Variants in RYR3 observed in about 807,000 individuals in gnomAD.
RYR3 encodes brain ryanodine receptor-calcium release channel.
RYR3 carries 207 observed loss-of-function variants against 584.3 expected under a neutral mutation model. The observed-to-expected ratio is 0.35, with a 90% confidence interval of 0.32 to 0.40. The LOEUF (loss-of-function observed/expected upper bound fraction) is 0.40. Among genes scored for constraint, RYR3 ranks in the 10% least tolerant of loss-of-function variants. RYR3 has a pLI of 1.00. For missense variants in RYR3, 5,616 were observed against 6,089.2 expected (o/e 0.92, Z 2.59); for synonymous variants, 2,416 against 2,248.5 (o/e 1.07, Z -2.11).
chr15:33,812,203 G>GGA (rs1387051686), intron 72 of RYR3, among the ~76,000 whole-genome samples: 4 of 152,044 alleles, frequency 2.6e-5, no homozygotes. Flanking sequence ...ATAACCACTT[G>GGA]GAGAGCCTCC....
At chr15:33,610,350 C>T (rs1396097623) in intron 18 of RYR3, among the ~76,000 whole-genome samples, 1 of 152,206 alleles carries the variant, frequency 6.6e-6, no homozygotes, top group Non-Finnish European at 1.5e-5. Context: ...GAAGGCAACA[C>T]ATACGTACCT....
At position 33,757,860 on chromosome 15, in the gene RYR3, C is replaced by T. The variant is rs530563878; in HGVS notation, c.8705+264C>T. 3.7e-5 allele frequency: 17 copies of T among 461,396 alleles called. 1 individual carries two copies. The highest frequency in any genetic ancestry group is 3.2e-4 in the East Asian group (8 of 24,646). The allele number at this position is 461,396 out of a possible 1,614,324, so 28.6% of individuals were successfully genotyped here. On this transcript the variant is annotated intron_variant, in intron 60 of 103. Coordinates refer to ENST00000634891, the MANE Select transcript of RYR3 (RefSeq NM_001036.6). ...ACATCGGGACAGAGATTAAGATGGC[C>T]GAATAGGAACAGCTCTGGTCTGTAG...
At chr15:33,708,593 ACT>A (rs2066881056) in intron 43 of RYR3, among the ~76,000 whole-genome samples, 1 of 152,086 alleles carries the variant, frequency 6.6e-6, no homozygotes, top group African/African-American at 2.4e-5. Flanking sequence ...AATGCAACAA[ACT>A]CTGGCAAACT....
intron 12 of RYR3, among the ~76,000 whole-genome samples, chr15:33,575,483 T>G (rs2058252140): frequency 6.6e-6 from 1 of 152,002 alleles, no homozygotes; most frequent in African/African-American, 2.4e-5. Context: ...CACAACTACA[T>G]GGGAAGTGAA....
chr15:33,835,093 C>T, intron 87 of RYR3, 21 bp downstream of exon 87: 1 of 1,549,566 alleles, frequency 6.5e-7, no homozygotes, highest in Non-Finnish European at 8.9e-7. Context: ...CCATTCCCTG[C>T]ACGTGTCATT....
intron 75 of RYR3, 85 bp downstream of exon 75, chr15:33,817,043 A>G: frequency 1.3e-6 from 1 of 797,054 alleles, no homozygotes; most frequent in Non-Finnish European, 2.1e-6. Context: ...ACAGTTAAAC[A>G]TTCACAAGGA....
chr15:33,536,790 C>T (rs1222793084), intron 5 of RYR3, among the ~76,000 whole-genome samples: 3 of 152,232 alleles, frequency 2.0e-5, no homozygotes, highest in African/African-American at 7.2e-5. Context: ...ACACCAGTCT[C>T]CTGCCCTCCC....
intron 68 of RYR3, among the ~76,000 whole-genome samples, chr15:33,801,609 C>T (rs2075922252): frequency 7.8e-6 from 1 of 127,664 alleles, no homozygotes; most frequent in African/African-American, 2.8e-5. Context: ...CTTATTACTA[C>T]CAAGAGTCTA....
intron 3 of RYR3, among the ~76,000 whole-genome samples, chr15:33,522,237 T>C (rs2054054479): frequency 6.6e-6 from 1 of 151,574 alleles, no homozygotes; most frequent in African/African-American, 2.4e-5. Context: ...CACTCCAGCC[T>C]GGGCAACAGA....
chr15:33,505,190 C>T (rs1019357658), intron 3 of RYR3, among the ~76,000 whole-genome samples: 11 of 152,296 alleles, frequency 7.2e-5, no homozygotes, highest in Middle Eastern at 6.8e-3. Context: ...GTTTACATTT[C>T]GGCCATCCTC....
chr15:33,485,455 G>T (rs2572177), intron 2 of RYR3, among the ~76,000 whole-genome samples: 67,525 of 151,904 alleles, frequency 0.44, 15,821 homozygotes, highest in Non-Finnish European at 0.52. Context: ...TACAGGAGAG[G>T]GAAGAGGTGG....
intron 1 of RYR3, among the ~76,000 whole-genome samples, chr15:33,361,556 G>A (rs1974770212): frequency 6.6e-6 from 1 of 152,186 alleles, no homozygotes; most frequent in African/African-American, 2.4e-5. Context: ...TAAGGTAAAA[G>A]AGACTGCAAG....
intron 18 of RYR3, among the ~76,000 whole-genome samples, chr15:33,606,570 T>C (rs941239982): frequency 1.5e-4 from 23 of 152,212 alleles, no homozygotes; most frequent in Admixed American, 1.2e-3. Context: ...TTTTCAGGCA[T>C]CAGCTGTGGG....
intron 55 of RYR3, among the ~76,000 whole-genome samples, 188 bp from the exon 56 acceptor site, chr15:33,749,791 G>A (rs987496672): frequency 1.3e-5 from 2 of 152,204 alleles, no homozygotes; most frequent in Non-Finnish European, 2.9e-5. Flanking sequence ...TTTTCTATGT[G>A]TATGGGAGGA....
chr15:33,549,885 A>G (rs1003619245), intron 9 of RYR3, among the ~76,000 whole-genome samples: 2 of 152,154 alleles, frequency 1.3e-5, no homozygotes, highest in African/African-American at 2.4e-5. Context: ...CAGTGGAGTA[A>G]AGGAAAAATT....
intron 98 of RYR3, among the ~76,000 whole-genome samples, chr15:33,857,081 A>G (rs2079757191): frequency 6.6e-6 from 1 of 152,134 alleles, no homozygotes; most frequent in Non-Finnish European, 1.5e-5. Flanking sequence ...TGCACTATTC[A>G]ATACTTAAGT....
intron 38 of RYR3, among the ~76,000 whole-genome samples, chr15:33,692,080 C>T (rs1292664478): frequency 6.6e-6 from 1 of 152,210 alleles, no homozygotes; most frequent in Non-Finnish European, 1.5e-5. Flanking sequence ...ATTAAACCTG[C>T]AGTATGTGCC....
At chr15:33,630,185 CAA>C (rs2061196136) in intron 22 of RYR3, 142 bp downstream of exon 22, 1 of 585,456 alleles carries the variant, frequency 1.7e-6, no homozygotes, top group African/African-American at 1.9e-5. Flanking sequence ...AATCATGTCA[CAA>C]GAGGATTTAG....
chr15:33,639,855 C>G (rs2061699058), intron 27 of RYR3, among the ~76,000 whole-genome samples: 1 of 152,236 alleles, frequency 6.6e-6, no homozygotes, highest in South Asian at 2.1e-4. Flanking sequence ...TCACAGCTCT[C>G]AGTGTTGTCA....
Sources: allele counts gnomAD v4.1 joint callset (sites outside exome capture counted in the v4.1 genomes callset), GRCh38; gene constraint gnomAD v4.1.1; transcripts MANE v1.5; gene names NCBI Gene and HGNC (gene_info 2026-07-23, HGNC 2026-07-21).